NAA35: variants seen among roughly 807,000 people sequenced by gnomAD.
The protein encoded by NAA35 is N-alpha-acetyltransferase 35, NatC auxiliary subunit, also known as MAK10 homolog, amino-acid N-acetyltransferase subunit.
In NAA35, 18 loss-of-function variants were observed where a neutral mutation model predicts 101.7. The observed-to-expected ratio is 0.18, with a 90% CI of 0.12 to 0.26. The LOEUF is 0.26. Among genes scored for constraint, NAA35 ranks in the 10% least tolerant of loss-of-function variants. NAA35 has a pLI of 1.00. For missense variants in NAA35, 601 were observed against 886.8 expected, an observed-to-expected ratio of 0.68 and a Z score of 4.09; for synonymous variants, 267 against 273.1, an observed-to-expected ratio of 0.98 and a Z score of 0.22.
chr9:85,955,234 A>G (rs1477119716), intron 2 of NAA35, among the ~76,000 whole-genome samples: 1 of 150,616 alleles, frequency 6.6e-6, no homozygotes, highest in Non-Finnish European at 1.5e-5. Flanking sequence ...GTTAGAAATT[A>G]ATATTATTTA....
Position 86,023,014 on chromosome 9 carries a change from A to C in NAA35, c.*1054A>C, listed in dbSNP as rs1025345304. On this transcript the variant is annotated 3_prime_UTR_variant, in exon 23 of 23. Coordinates refer to ENST00000361671, the MANE Select transcript of NAA35 (RefSeq NM_024635.4). ...TGTGGTTAAAAGGGTTCTCAGCTTC[A>C]AATATCTTAACTCTGATTTGGTACC... Among the ~76,000 whole-genome samples, 1 of 152,156 alleles carries C rather than the reference A, an allele frequency of 6.6e-6. No homozygotes were observed. Among genetic ancestry groups the C allele is most frequent in the African/African-American group, 2.4e-5 (1 of 41,444 alleles).
At chr9:85,955,780 G>T (rs1829250769) in intron 2 of NAA35, among the ~76,000 whole-genome samples, 1 of 152,130 alleles carries the variant, frequency 6.6e-6, no homozygotes, top group Non-Finnish European at 1.5e-5. Context: ...AGATTTCATT[G>T]GTTTGGGATG....
At chr9:86,000,344 T>A (rs970888808) in intron 12 of NAA35, among the ~76,000 whole-genome samples, 2 of 152,210 alleles carry the variant, frequency 1.3e-5, no homozygotes, top group African/African-American at 4.8e-5. Context: ...ATCAAAGATA[T>A]TGGCCTGAAG....
intron 22 of NAA35, 140 bp from the exon 23 acceptor site, chr9:86,021,761 A>T: frequency 1.5e-6 from 1 of 682,212 alleles, no homozygotes; most frequent in Admixed American, 3.2e-5. Context: ...CTTTTTTGTC[A>T]TTAACCTAGT....
At chr9:85,943,282 G>A (rs1321646560) in intron 2 of NAA35, among the ~76,000 whole-genome samples, 1 of 152,134 alleles carries the variant, frequency 6.6e-6, no homozygotes, top group East Asian at 1.9e-4. Flanking sequence ...TAGAGAAATT[G>A]GGGAAAAGCA....
At chr9:85,959,693 T>C in intron 4 of NAA35, 100 bp from the exon 5 acceptor site, 1 of 734,966 alleles carries the variant, frequency 1.4e-6, no homozygotes, top group Admixed American at 2.6e-5. Context: ...AATTGCTGTT[T>C]TTAAATATTG....
chr9:85,962,250 G>A (rs868251658), intron 6 of NAA35, 70 bp downstream of exon 6: 1 of 1,484,872 alleles, frequency 6.7e-7, no homozygotes. Context: ...CAGCAGTTTG[G>A]GAGGCCAAGG....
intron 5 of NAA35, 80 bp downstream of exon 5, chr9:85,959,947 A>G: frequency 3.0e-6 from 3 of 992,942 alleles, no homozygotes; most frequent in South Asian, 1.5e-5. Context: ...CCTATACACT[A>G]ATGTTGAGTA....
intron 6 of NAA35, among the ~76,000 whole-genome samples, chr9:85,970,872 A>G (rs1042430142): frequency 1.1e-4 from 17 of 152,178 alleles, no homozygotes; most frequent in African/African-American, 3.6e-4. Flanking sequence ...GTTTAGAAGT[A>G]AAGGGGCGTC....
chr9:85,995,412 C>T (rs1831112247), intron 11 of NAA35, among the ~76,000 whole-genome samples: 1 of 151,516 alleles, frequency 6.6e-6, no homozygotes, highest in African/African-American at 2.4e-5. Context: ...ATTTAAATCA[C>T]AATTTATATT....
intron 1 of NAA35, chr9:85,941,503 T>C: frequency 1.0e-6 from 1 of 985,332 alleles, no homozygotes; most frequent in Non-Finnish European, 1.2e-6. Context: ...GTGCCCGCCC[T>C]CCCGCGCGGC....
chr9:85,947,749 A>C (rs1828833144), intron 2 of NAA35, among the ~76,000 whole-genome samples: 1 of 152,168 alleles, frequency 6.6e-6, no homozygotes, highest in Admixed American at 6.5e-5. Context: ...TCAAAATATC[A>C]ATAATGCTGC....
rs1828499302 is a variant in NAA35 at position 85,941,282 on chromosome 9, C to G, written c.-6+9C>G. On this transcript the variant is annotated intron_variant, in intron 1 of 22. Coordinates refer to ENST00000361671, the MANE Select transcript of NAA35 (RefSeq NM_024635.4). ...GACCACGGGAGAAGTAGGTAGGGAC[C>G]GCCCCTGCGTAGCCATTGAAACCCT... 2.0e-6 allele frequency: 2 copies of G among 985,654 alleles called. No homozygotes were observed. The highest frequency in any genetic ancestry group is 9.4e-5 in the South Asian group (2 of 21,314). The allele number at this position is 985,654 out of a possible 1,614,324, so 61.1% of individuals were successfully genotyped here.
chr9:86,005,069 T>A (rs1831572549), intron 13 of NAA35, among the ~76,000 whole-genome samples: 1 of 152,144 alleles, frequency 6.6e-6, no homozygotes, highest in Non-Finnish European at 1.5e-5. Flanking sequence ...AACACAGATG[T>A]AAAAATCTTA....
Position 86,016,536 on chromosome 9 carries a change from A to G in NAA35, c.1569-3A>G, listed in dbSNP as rs1333342378. On this transcript the variant is annotated splice_region_variant and splice_polypyrimidine_tract_variant and intron_variant, in intron 17 of 22. Coordinates refer to ENST00000361671, the MANE Select transcript of NAA35 (RefSeq NM_024635.4). The stretch of plus-strand genomic sequence containing the variant: ...CATTAACTAACATTTTGTATCCTTT[A>G]AGGTATCTCTCTGAATTCCTTTACG... The G allele has an allele frequency of 6.2e-7, 1 of 1,612,160 alleles. No individual in the cohort carries two copies. The highest frequency in any genetic ancestry group is 1.3e-5 in the African/African-American group (1 of 74,822).
intron 12 of NAA35, among the ~76,000 whole-genome samples, chr9:86,002,094 GA>G (rs35585047): frequency 6.6e-6 from 1 of 152,152 alleles, no homozygotes; most frequent in African/African-American, 2.4e-5. Context: ...TTGCTTATCT[GA>G]AAAGGATCTT....
At chr9:86,013,620 T>A in intron 16 of NAA35, 99 bp from the exon 17 acceptor site, 1 of 1,140,642 alleles carries the variant, frequency 8.8e-7, no homozygotes, top group Non-Finnish European at 1.2e-6. Flanking sequence ...AGATTTAAAT[T>A]TTCTGCTCAT....
At chr9:85,951,055 T>A (rs1395483334) in intron 2 of NAA35, among the ~76,000 whole-genome samples, 1 of 151,772 alleles carries the variant, frequency 6.6e-6, no homozygotes, top group Non-Finnish European at 1.5e-5. Flanking sequence ...GGAGAATTGC[T>A]TAAACCCAGG....
chr9:85,986,654 G>A (rs945555115), intron 11 of NAA35: 9 of 325,506 alleles, frequency 2.8e-5, no homozygotes, highest in South Asian at 1.4e-4. Context: ...GCGTGATCTC[G>A]GCTCAATGCA....
Sources: gnomAD v4.1 joint callset for allele counts (sites outside exome capture counted in the v4.1 genomes callset) on GRCh38, gnomAD v4.1.1 for gene constraint, MANE v1.5 for transcripts, NCBI Gene and HGNC (gene_info 2026-07-23, HGNC 2026-07-21) for gene names.